Variants in ERI1 observed in about 807,000 individuals in gnomAD.
The protein encoded by ERI1 is 3'-5' exoribonuclease 1.
Under a neutral mutation model 39.7 loss-of-function variants are expected in ERI1, and 39 were observed. The ratio of observed to expected loss-of-function variants is 0.98; its 90% CI spans 0.76 to 1.28. ERI1 has a LOEUF of 1.28. ERI1 is among the 50% of genes most tolerant of loss of function. ERI1 has a pLI of 0.00. For missense variants in ERI1, 581 were observed against 416.9 expected (o/e 1.39, Z -3.43); for synonymous variants, 204 against 149.6 (o/e 1.36, Z -2.65).
At chr8:9,070,993 A>G (rs1250325315) in intron 3 of ERI1, among the ~76,000 whole-genome samples, 1 of 152,168 alleles carries the variant, frequency 6.6e-6, no homozygotes, top group African/African-American at 2.4e-5. Flanking sequence ...CGGAGACTGC[A>G]GAGTGAACGG....
At chr8:9,023,793 C>CTTTTTTTTTTTTTTT in intron 6 of ERI1, among the ~76,000 whole-genome samples, 1 of 80,532 alleles carries the variant, frequency 1.2e-5, no homozygotes, top group Non-Finnish European at 2.1e-5. Flanking sequence ...GTAAAAATGA[C>CTTTTTTTTTTTTTTT]TTTTTTTTTT....
chr8:9,065,694 CAAA>C lies in ERI1; in HGVS notation n.299+45248_299+45250del, dbSNP rs577584927. ...TGGGCAACAGAGCGAGACTCCATCT[CAAA>C]AAAAAAAAAAAAAAAAAGGCTGACT... On this transcript the variant is annotated intron_variant and non_coding_transcript_variant, in intron 3 of 3. Transcript: ENST00000518663. 1.7e-3 allele frequency among the ~76,000 whole-genome samples: 142 copies of C among 82,226 alleles called. No individual in the cohort carries two copies. The East Asian group carries it at 0.025, about 14-fold the overall frequency. The allele number at this position is 82,226 out of a possible 152,430, so 53.9% of individuals were successfully genotyped here. A position where few individuals can be genotyped will look rare whatever the true frequency, so the allele number is the denominator to read the frequency against.
intron 3 of ERI1, among the ~76,000 whole-genome samples, chr8:9,065,431 C>T (rs1303680083): frequency 1.3e-5 from 2 of 152,142 alleles, no homozygotes; most frequent in Admixed American, 6.6e-5. Context: ...CGCAGTGGCT[C>T]ACACCTGTAA....
chr8:9,028,633 TC>T (rs1041904975), intron 6 of ERI1, among the ~76,000 whole-genome samples: 1 of 152,146 alleles, frequency 6.6e-6, no homozygotes, highest in African/African-American at 2.4e-5. Flanking sequence ...ATTTTTTTTT[TC>T]TTTTTTTGAG....
intron 3 of ERI1, among the ~76,000 whole-genome samples, chr8:9,087,216 C>A (rs1164531694): frequency 2.0e-5 from 3 of 151,068 alleles, no homozygotes; most frequent in African/African-American, 4.9e-5. Context: ...CCACCTTCAT[C>A]TTATTTTTAT....
At chr8:9,006,402 A>G (rs1816025862) in intron 1 of ERI1, among the ~76,000 whole-genome samples, 1 of 152,220 alleles carries the variant, frequency 6.6e-6, no homozygotes. Context: ...ACAGTTTAGG[A>G]TGAGAATTAA....
intron 1 of ERI1, 108 bp from the exon 2 acceptor site, chr8:9,007,862 A>T (rs1018523314): frequency 6.9e-7 from 1 of 1,449,322 alleles, no homozygotes; most frequent in Non-Finnish European, 9.1e-7. Context: ...AACATGTAGC[A>T]TGAAGAGGCT....
Position 9,007,983 on chromosome 8 carries a change from G to A in ERI1, c.122G>A (p.Cys41Tyr). ...PRPSPEETQQ[C>Y]KFDGQETKGS... is the part of the protein sequence containing the mutation. ...TTTTTTTGGTAGGAAACTCAACAGTGTAAATTTGATGGCCAGGAGACAAAA... is the reference window on the plus strand; with the variant it reads ...TTTTTTTGGTAGGAAACTCAACAGTATAAATTTGATGGCCAGGAGACAAAA... Residue 41 changes from cysteine to tyrosine, a missense_variant, in exon 2 of 7, where the codon TGT (cysteine) becomes TAT (tyrosine). Physicochemically the swap from Cys to Tyr is radical, Grantham distance 194. Coordinates refer to ENST00000250263, the MANE Select transcript of ERI1 (RefSeq NM_153332.4). The A allele has an allele frequency of 1.3e-6, 1 of 745,192 alleles. No homozygotes were observed. Among genetic ancestry groups the A allele is most frequent in the Non-Finnish European group, 2.1e-6 (1 of 479,650 alleles). 46.2% of individuals were successfully genotyped at this position (745,192 alleles called of 1,614,324 possible).
At chr8:9,015,675 T>C (rs140375247) in intron 3 of ERI1, among the ~76,000 whole-genome samples, 1,367 of 135,880 alleles carry the variant, frequency 0.01, 23 homozygotes, top group African/African-American at 0.037. Flanking sequence ...TGAGCCGAGA[T>C]TGTGGCAGTG....
chr8:9,087,486 C>G (rs1563097823), intron 3 of ERI1, among the ~76,000 whole-genome samples: 1 of 138,556 alleles, frequency 7.2e-6, no homozygotes, highest in South Asian at 2.3e-4. Flanking sequence ...TGGTCTCGAA[C>G]TCCTGACCTT....
chr8:9,093,472 GATA>G (rs1472483955), intron 3 of ERI1, among the ~76,000 whole-genome samples: 1 of 141,822 alleles, frequency 7.1e-6, no homozygotes. Flanking sequence ...CATACACCTG[GATA>G]ATATTTTTGG....
intron 3 of ERI1, among the ~76,000 whole-genome samples, chr8:9,083,836 C>G (rs1799442136): frequency 1.3e-5 from 2 of 151,970 alleles, no homozygotes; most frequent in Non-Finnish European, 2.9e-5. Flanking sequence ...CTCTGTAGCC[C>G]AGGCTGGAGT....
At chr8:9,082,438 A>G (rs1412048835) in intron 3 of ERI1, among the ~76,000 whole-genome samples, 1 of 152,212 alleles carries the variant, frequency 6.6e-6, no homozygotes, top group Admixed American at 6.5e-5. Flanking sequence ...TCTGAAAATG[A>G]CATTCACAAA....
intron 3 of ERI1, among the ~76,000 whole-genome samples, chr8:9,062,050 G>A (rs1390900598): frequency 1.3e-5 from 2 of 152,220 alleles, no homozygotes; most frequent in East Asian, 3.8e-4. Context: ...GAACTAACCT[G>A]TAAACTTTGT....
At chr8:9,038,480 C>G (rs1478963219) in intron 3 of ERI1, among the ~76,000 whole-genome samples, 1 of 152,222 alleles carries the variant, frequency 6.6e-6, no homozygotes, top group Non-Finnish European at 1.5e-5. Context: ...TTATATATGG[C>G]TGAGTGCAGT....
At chr8:9,014,139 T>C (rs1816978104) in intron 3 of ERI1, among the ~76,000 whole-genome samples, 1 of 152,228 alleles carries the variant, frequency 6.6e-6, no homozygotes, top group African/African-American at 2.4e-5. Context: ...CTCTGATTGT[T>C]TCCTGTCTTA....
chr8:9,079,852 G>A (rs1799317152), intron 3 of ERI1, among the ~76,000 whole-genome samples: 2 of 151,984 alleles, frequency 1.3e-5, no homozygotes, highest in Non-Finnish European at 2.9e-5. Flanking sequence ...TGTATTTTTT[G>A]TAGACACGAG....
At chr8:9,095,473 G>T (rs1799847332) in intron 3 of ERI1, among the ~76,000 whole-genome samples, 1 of 148,594 alleles carries the variant, frequency 6.7e-6, no homozygotes, top group Non-Finnish European at 1.5e-5. Flanking sequence ...AAATCCATGG[G>T]ACAGGTCTTT....
intron 3 of ERI1, among the ~76,000 whole-genome samples, chr8:9,045,745 C>A (rs1469540443): frequency 6.7e-6 from 1 of 149,708 alleles, no homozygotes; most frequent in African/African-American, 2.5e-5. Flanking sequence ...GGCACAATCT[C>A]GGCTCACTGC....
Sources: gnomAD v4.1 joint callset for allele counts (sites outside exome capture counted in the v4.1 genomes callset) on GRCh38, gnomAD v4.1.1 for gene constraint, MANE v1.5 for transcripts, NCBI Gene and HGNC (gene_info 2026-07-23, HGNC 2026-07-21) for gene names.